The following KIF20B variants were observed in gnomAD, a reference collection of about 807,000 sequenced individuals.
The protein encoded by KIF20B is kinesin family member 20B.
KIF20B carries 188 observed loss-of-function variants against 232.5 expected under a neutral mutation model. That is an observed-to-expected ratio of 0.81 (90% CI 0.72 to 0.91). The LOEUF (loss-of-function observed/expected upper bound fraction) is 0.91. Among genes scored for constraint, KIF20B ranks in the 40% least tolerant of loss-of-function variants. The pLI is 0.00. For missense variants in KIF20B, 2,154 were observed against 2,055.9 expected (o/e 1.05, Z -0.92); for synonymous variants, 712 against 683.0 (o/e 1.04, Z -0.66).
At chr10:89,723,937 A>G (rs1424185378) in intron 13 of KIF20B, 27 bp from the exon 14 acceptor site, 1 of 1,453,480 alleles carries the variant, frequency 6.9e-7, no homozygotes, top group Non-Finnish European at 9.2e-7. Flanking sequence ...ATTCTTTTAT[A>G]AGAATTTTAT....
chr10:89,749,236 G>A (rs1471581676), intron 23 of KIF20B, among the ~76,000 whole-genome samples: 1 of 152,126 alleles, frequency 6.6e-6, no homozygotes, highest in Non-Finnish European at 1.5e-5. Context: ...AGTTGTGTAT[G>A]AGACATTTCC....
In KIF20B at chr10:89,726,522, G is replaced by A; in HGVS notation, c.2230+1G>A. The A allele has an allele frequency of 1.3e-6, 2 of 1,572,378 alleles. No individual in the cohort carries two copies. Among genetic ancestry groups the A allele is most frequent in the South Asian group, 1.2e-5 (1 of 85,426 alleles). On this transcript the variant is annotated splice_donor_variant, in intron 16 of 32. Coordinates refer to ENST00000371728, the MANE Select transcript of KIF20B (RefSeq NM_001284259.2). LOFTEE classifies it high-confidence loss of function. ...GAAGAGTTAAAAAAGAGAGAAAATG[G>A]TAAGTGGATACATTTTACTTTTATT...
intron 21 of KIF20B, among the ~76,000 whole-genome samples, chr10:89,742,860 C>G (rs553330201): frequency 2.0e-5 from 3 of 152,006 alleles, no homozygotes; most frequent in African/African-American, 7.2e-5. Flanking sequence ...CCACCATGCC[C>G]GGCTAATGTT....
At chr10:89,718,971 T>C in intron 12 of KIF20B, 99 bp downstream of exon 12, 1 of 773,390 alleles carries the variant, frequency 1.3e-6, no homozygotes, top group African/African-American at 1.8e-5. Flanking sequence ...AGGAAATAAT[T>C]GAAAATTAAA....
In KIF20B at chr10:89,765,726, G is replaced by A. The variant is rs138925831; in HGVS notation, c.4990-2564G>A. On this transcript the variant is annotated intron_variant, in intron 29 of 32. Coordinates refer to ENST00000371728, the MANE Select transcript of KIF20B (RefSeq NM_001284259.2). The stretch of plus-strand genomic sequence containing the variant: ...ACAGAACACAGCCCTCAGAAATAAC[G>A]TCTGTTAAGTATTTTATTTCTCCTT... Among the ~76,000 whole-genome samples the A allele has an allele frequency of 3.6e-4, 54 of 152,102 alleles. No homozygotes were observed. The East Asian group carries it at 7.6e-3, about 21-fold the overall frequency.
chr10:89,725,616 T>C (rs1843167828), intron 15 of KIF20B, among the ~76,000 whole-genome samples: 3 of 152,154 alleles, frequency 2.0e-5, no homozygotes, highest in African/African-American at 7.2e-5. Context: ...TTATTTATTA[T>C]AGTTTTAGAG....
At position 89,737,722 on chromosome 10, in the gene KIF20B, A is replaced by G. The variant is rs753328541; in HGVS notation, c.2881A>G (p.Ile961Val). The change falls in exon 20 of 33, where the codon ATC becomes GTC. Residue 961 changes from isoleucine to valine, a missense_variant. Transcript: ENST00000371728. Reference sequence around the variant, plus strand: ...TAAAAATCAAGAACAGGAGGAAAAGATCATGAAATTGTCAAATGAGATAGA... The same window carrying G: ...TAAAAATCAAGAACAGGAGGAAAAGGTCATGAAATTGTCAAATGAGATAGA... Reference protein sequence around the residue: ...KSKNQEQEEKIMKLSNEIETA... With the variant: ...KSKNQEQEEKVMKLSNEIETA... The G allele has an allele frequency of 8.7e-6, 14 of 1,612,768 alleles. No individual in the cohort carries two copies. In the Admixed American group the frequency reaches 2.3e-4, roughly 27 times the overall value.
Position 89,705,281 on chromosome 10 carries a change from G to T in KIF20B, c.-1-13G>T. ...TATTAAGGTTGTTAAAGAAGTTGCT[G>T]TTATTCTTGCAGAATGGAATCTAAT... On this transcript the variant is annotated splice_polypyrimidine_tract_variant and intron_variant, in intron 1 of 32. Coordinates refer to ENST00000371728, the MANE Select transcript of KIF20B (RefSeq NM_001284259.2). 6.2e-7 allele frequency: 1 copy of T among 1,612,882 alleles called. No homozygotes were observed. Among genetic ancestry groups the T allele is most frequent in the Non-Finnish European group, 8.5e-7 (1 of 1,179,304 alleles).
In KIF20B at chr10:89,743,821, G is replaced by A. The variant is rs144377752; in HGVS notation, c.3929G>A (p.Arg1310His). Residue 1310 changes from arginine to histidine, a missense_variant, in exon 22 of 33, where the codon CGT (arginine) becomes CAT (histidine). Arg to His is a conservative substitution (Grantham distance 29). Coordinates refer to ENST00000371728, the MANE Select transcript of KIF20B (RefSeq NM_001284259.2). The stretch of plus-strand genomic sequence containing the variant: ...ATTATTTTGTAGGTATCTGTAATGC[G>A]TGATGAGGATAAATTACTGAGGATT... ...KQVQKEVSVM[R>H]DEDKLLRIKI... 80 of 1,488,054 alleles carry A rather than the reference G, an allele frequency of 5.4e-5. No individual in the cohort carries two copies. The highest frequency in any genetic ancestry group is 1.5e-4 in the East Asian group (6 of 40,992). 92.2% of individuals were successfully genotyped at this position (1,488,054 alleles called of 1,614,324 possible).
intron 31 of KIF20B, among the ~76,000 whole-genome samples, chr10:89,771,404 T>A (rs1431845042): frequency 6.6e-6 from 1 of 152,080 alleles, no homozygotes; most frequent in Non-Finnish European, 1.5e-5. Flanking sequence ...TATGTATGAT[T>A]TTTAAACATT....
rs1478894265 is a variant in KIF20B at position 89,725,117 on chromosome 10, G to A, written c.1960G>A (p.Glu654Lys). ...GGTTGGTAAATGTGACACTCGAGAA[G>A]AAGCAGCGAAAGACATTTGTGCCAC... ...DLVGKCDTRE[E>K]AAKDICATKV... The change falls in exon 15 of 33, where the codon GAA becomes AAA. Residue 654 changes from glutamate (E) to lysine (K), a missense_variant. Glu to Lys is a moderately conservative substitution (Grantham distance 56). Coordinates refer to ENST00000371728, the MANE Select transcript of KIF20B (RefSeq NM_001284259.2). 3.7e-6 allele frequency: 6 copies of A among 1,613,918 alleles called. No homozygotes were observed. Among genetic ancestry groups the A allele is most frequent in the Non-Finnish European group, 5.1e-6 (6 of 1,179,966 alleles).
At position 89,726,398 on chromosome 10, in the gene KIF20B, C is replaced by T; in HGVS notation, c.2107C>T (p.Leu703Phe). 6.3e-7 allele frequency: 1 copy of T among 1,583,904 alleles called. No individual in the cohort carries two copies. Among genetic ancestry groups the T allele is most frequent in the Non-Finnish European group, 8.6e-7 (1 of 1,162,714 alleles). The stretch of plus-strand genomic sequence containing the variant: ...AATTGCTCACTTATATATTGCATCT[C>T]TTCCTGACCCCCAGGAAGCTACTGC... ...AEIAHLYIAS[L>F]PDPQEATACL... is the part of the protein sequence containing the mutation. The change falls in exon 16 of 33, where the codon CTT becomes TTT. Residue 703 changes from leucine (L) to phenylalanine (F), a missense_variant. Transcript: ENST00000371728.
intron 26 of KIF20B, among the ~76,000 whole-genome samples, chr10:89,756,382 G>T (rs1842117611): frequency 6.6e-6 from 1 of 152,040 alleles, no homozygotes; most frequent in African/African-American, 2.4e-5. Flanking sequence ...CCAAACCAGT[G>T]GTTTCTCTGG....
rs1842935099 is a variant in KIF20B at position 89,716,419 on chromosome 10, C to T, written c.941-17C>T. On this transcript the variant is annotated splice_polypyrimidine_tract_variant and intron_variant, in intron 8 of 32. Transcript: ENST00000371728. ...TTGTCTCAATAAATTAATATATATC[C>T]TCTTTATTTTTTAAAGATCTACAAT... 1.9e-6 allele frequency: 2 copies of T among 1,033,540 alleles called. No individual in the cohort carries two copies. The highest frequency in any genetic ancestry group is 1.6e-5 in the African/African-American group (1 of 61,270). The allele number at this position is 1,033,540 out of a possible 1,614,324, so 64.0% of individuals were successfully genotyped here.
chr10:89,738,319 A>G lies in KIF20B; in HGVS notation c.3478A>G (p.Lys1160Glu), dbSNP rs751032264. ...ACTTACACAAGGTGTTACTTGCTAT[A>G]AGGCAAAAATAAAGGAACTTGAAAC... Reference protein sequence around the residue: ...SELTQGVTCYKAKIKELETIL... With the variant: ...SELTQGVTCYEAKIKELETIL... The change falls in exon 20 of 33, where the codon AAG becomes GAG. Residue 1160 changes from lysine (K) to glutamate (E), a missense_variant. Coordinates refer to ENST00000371728, the MANE Select transcript of KIF20B (RefSeq NM_001284259.2). The G allele has an allele frequency of 1.9e-6, 3 of 1,612,334 alleles. No individual in the cohort carries two copies. The highest frequency in any genetic ancestry group is 1.7e-4 in the Middle Eastern group (1 of 6,054).
chr10:89,732,952 A>G lies in KIF20B; in HGVS notation c.2441A>G (p.Asn814Ser), dbSNP rs767533013. ...ATAATAAACAATAAATTGATTTGTAATGAAACAGTTGAAGTACCTAAGGAC... is the reference window on the plus strand; with the variant it reads ...ATAATAAACAATAAATTGATTTGTAGTGAAACAGTTGAAGTACCTAAGGAC... ...SLIINNKLICNETVEVPKDSK... is the reference protein window; with the variant it reads ...SLIINNKLICSETVEVPKDSK... The change falls in exon 19 of 33, where the codon AAT (asparagine) becomes AGT (serine). Residue 814 changes from asparagine to serine, a missense_variant. By Grantham distance (46) the Asn-to-Ser change is conservative. Transcript: ENST00000371728. 10 of 1,610,616 alleles carry G rather than the reference A, an allele frequency of 6.2e-6. No homozygotes were observed. The highest frequency in any genetic ancestry group is 4.5e-5 in the East Asian group (2 of 44,796).
Position 89,709,447 on chromosome 10 carries a change from T to C in KIF20B, c.337T>C (p.Phe113Leu). The change falls in exon 4 of 33, where the codon TTC (phenylalanine) becomes CTC (leucine). Residue 113 changes from phenylalanine to leucine, a missense_variant. By Grantham distance (22) the Phe-to-Leu change is conservative. Transcript: ENST00000371728. Reference protein sequence around the residue: ...EKSSGQMAQKFSFSKVFGPAT... With the variant: ...EKSSGQMAQKLSFSKVFGPAT... ...AAGCTCAGGGCAGATGGCACAGAAA[T>C]TCAGTTTTTCCAAGGTAAAACTGAA... The C allele has an allele frequency of 6.2e-7, 1 of 1,610,732 alleles. No individual in the cohort carries two copies. Among genetic ancestry groups the C allele is most frequent in the Non-Finnish European group, 8.5e-7 (1 of 1,177,606 alleles).
intron 26 of KIF20B, among the ~76,000 whole-genome samples, chr10:89,755,543 T>TCCTTTC (rs1409228940): frequency 6.7e-6 from 1 of 149,238 alleles, no homozygotes; most frequent in Non-Finnish European, 1.5e-5. Context: ...CCTTCCTTTC[T>TCCTTTC]CCTTTCCCTT....
intron 2 of KIF20B, among the ~76,000 whole-genome samples, chr10:89,706,638 T>C (rs1842728973): frequency 6.6e-6 from 1 of 152,026 alleles, no homozygotes; most frequent in Non-Finnish European, 1.5e-5. Context: ...TACATTTTTT[T>C]TTTTTTAACT....
Sources: allele counts gnomAD v4.1 joint callset (sites outside exome capture counted in the v4.1 genomes callset), GRCh38; gene constraint gnomAD v4.1.1; transcripts MANE v1.5; gene names NCBI Gene and HGNC (gene_info 2026-07-23, HGNC 2026-07-21).